Variants in EDA2R observed in about 807,000 individuals in gnomAD.
EDA2R encodes the protein ectodysplasin A2 receptor.
In EDA2R, 26 loss-of-function variants were observed where a neutral mutation model predicts 20.1. The ratio of observed to expected loss-of-function variants is 1.30; its 90% CI spans 0.95 to 1.80. The LOEUF is 1.80. Ranked by LOEUF, EDA2R falls within the 40% of genes most tolerant of loss-of-function variation. The pLI, the probability that EDA2R is intolerant of heterozygous loss-of-function variation, is 0.00. For missense variants in EDA2R, 277 were observed against 228.7 expected, an observed-to-expected ratio of 1.21 and a Z score of -1.36; for synonymous variants, 114 against 88.7, an observed-to-expected ratio of 1.29 and a Z score of -1.60.
chrX:66,626,422 A>T (rs28493760), intron 1 of EDA2R, among the ~76,000 whole-genome samples: 7,516 of 111,697 alleles, frequency 0.067, 628 homozygotes, highest in African/African-American at 0.23. Flanking sequence ...GAAATTCACG[A>T]CTCAAAGACA....
At chrX:66,602,864 C>T in intron 4 of EDA2R, 67 bp from the exon 5 acceptor site, 2 of 1,000,714 alleles carry the variant, frequency 2.0e-6, no homozygotes, top group East Asian at 6.9e-5. Context: ...GACCCTGGAC[C>T]TGGACTTCCT....
rs1253671791 is a variant in EDA2R at position 66,597,345 on chromosome X, G to A, written c.*759C>T. 2 of 112,144 alleles carry A rather than the reference G, an allele frequency of 1.8e-5. No homozygotes were observed. Among genetic ancestry groups the A allele is most frequent in the Non-Finnish European group, 3.8e-5 (2 of 53,223 alleles). 9.2% of individuals were successfully genotyped at this position (112,144 alleles called of 1,213,427 possible). A position where few individuals can be genotyped will look rare whatever the true frequency, so the allele number is the denominator to read the frequency against. On this transcript the variant is annotated 3_prime_UTR_variant, in exon 7 of 7. Coordinates refer to ENST00000374719, the MANE Select transcript of EDA2R (RefSeq NM_021783.5). ...TCAGATGTCCCTACATGGATTGAGG[G>A]CTGTCTTTGAGGGACTGCTGTGGGG...
intron 6 of EDA2R, 135 bp from the exon 7 acceptor site, chrX:66,598,228 G>A (rs1927808639): frequency 4.7e-6 from 1 of 213,042 alleles, no homozygotes; most frequent in Non-Finnish European, 9.0e-6. Flanking sequence ...CCTAGATAGG[G>A]ATATGACAAT....
At position 66,599,436 on chromosome X, in the gene EDA2R, C is replaced by T. The variant is rs759099203; in HGVS notation, c.*10+38G>A. On this transcript the variant is annotated intron_variant, in intron 6 of 6. Transcript: ENST00000374719. The stretch of plus-strand genomic sequence containing the variant: ...AGGTTAGTCCTTAATTTCTGTTTTG[C>T]TTTTTTTGTTTTTTTCTGATCCACC... 271 of 1,037,060 alleles carry T rather than the reference C, an allele frequency of 2.6e-4. No homozygotes were observed. The African/African-American group carries it at 4.9e-3, about 19-fold the overall frequency. 85.5% of individuals were successfully genotyped at this position (1,037,060 alleles called of 1,213,427 possible).
At chrX:66,618,733 C>G (rs1421052699) in intron 1 of EDA2R, among the ~76,000 whole-genome samples, 1 of 112,144 alleles carries the variant, frequency 8.9e-6, no homozygotes, top group Non-Finnish European at 1.9e-5. Context: ...GCATATGAAT[C>G]TAGCAACATA....
chrX:66,621,448 A>C (rs1392520686), intron 1 of EDA2R, among the ~76,000 whole-genome samples: 1 of 112,438 alleles, frequency 8.9e-6, no homozygotes, highest in East Asian at 2.8e-4. Flanking sequence ...AAACCTGTAA[A>C]CAAATGTTCC....
chrX:66,625,271 G>C (rs1932961926), intron 1 of EDA2R, among the ~76,000 whole-genome samples: 1 of 111,236 alleles, frequency 9.0e-6, no homozygotes, highest in Non-Finnish European at 1.9e-5. Flanking sequence ...ACCTGGGGCA[G>C]GTTCTCAAGC....
intron 2 of EDA2R, among the ~76,000 whole-genome samples, chrX:66,608,787 A>G (rs765310924): frequency 9.0e-6 from 1 of 111,547 alleles, no homozygotes; most frequent in Non-Finnish European, 1.9e-5. Flanking sequence ...TTCCACTTAC[A>G]TGAAATATCT....
intron 5 of EDA2R, among the ~76,000 whole-genome samples, chrX:66,601,624 A>G (rs1040642509): frequency 2.7e-5 from 3 of 111,470 alleles, no homozygotes; most frequent in African/African-American, 9.8e-5. Flanking sequence ...CACAGTATCC[A>G]GTGGGCTGAA....
chrX:66,601,627 G>C (rs924830595), intron 5 of EDA2R, among the ~76,000 whole-genome samples: 2 of 111,124 alleles, frequency 1.8e-5, no homozygotes, highest in African/African-American at 6.6e-5. Context: ...AGTATCCAGT[G>C]GGCTGAAAAG....
chrX:66,609,107 T>TGACTGGTATG (rs1930250800), intron 2 of EDA2R, among the ~76,000 whole-genome samples: 1 of 111,693 alleles, frequency 9.0e-6, no homozygotes, highest in Non-Finnish European at 1.9e-5. Context: ...TGAACTGTAT[T>TGACTGGTATG]TTAATAAGGC....
chrX:66,629,123 T>C, intron 1 of EDA2R, among the ~76,000 whole-genome samples: 1 of 111,912 alleles, frequency 8.9e-6, no homozygotes, highest in East Asian at 2.8e-4. Flanking sequence ...AGAAAAAGCA[T>C]TCAACAAAGT....
At position 66,596,461 on chromosome X, in the gene EDA2R, T is replaced by C. The variant is rs1009207424; in HGVS notation, c.*1643A>G. The C allele has an allele frequency of 1.8e-5, 2 of 111,743 alleles. No homozygotes were observed. The highest frequency in any genetic ancestry group is 6.5e-5 in the African/African-American group (2 of 30,739). The allele number at this position is 111,743 out of a possible 1,213,427, so 9.2% of individuals were successfully genotyped here. The stretch of plus-strand genomic sequence containing the variant: ...CTGGGTATGGCTTGGGCTGTCCACA[T>C]AGCATTCATGCCATGAGCAAGCACA... On this transcript the variant is annotated 3_prime_UTR_variant, in exon 7 of 7. Coordinates refer to ENST00000374719, the MANE Select transcript of EDA2R (RefSeq NM_021783.5).
At chrX:66,610,102 C>G (rs1569234394) in intron 2 of EDA2R, among the ~76,000 whole-genome samples, 1 of 111,132 alleles carries the variant, frequency 9.0e-6, no homozygotes, top group African/African-American at 3.3e-5. Flanking sequence ...AAATAATGAA[C>G]TAGTAAAAAG....
At chrX:66,613,619 G>A (rs750655478) in intron 2 of EDA2R, among the ~76,000 whole-genome samples, 2 of 111,659 alleles carry the variant, frequency 1.8e-5, no homozygotes, top group East Asian at 5.6e-4. Context: ...CAGGGACCCC[G>A]AACAGAGGGC....
intron 3 of EDA2R, 52 bp from the exon 4 acceptor site, chrX:66,604,558 T>C (rs376959451): frequency 1.5e-5 from 16 of 1,087,136 alleles, no homozygotes; most frequent in Non-Finnish European, 2.0e-5. Flanking sequence ...GCAATGCACT[T>C]GGACCAGTTC....
intron 1 of EDA2R, among the ~76,000 whole-genome samples, chrX:66,637,347 AT>A (rs1236451212): frequency 9.0e-6 from 1 of 111,123 alleles, no homozygotes; most frequent in African/African-American, 3.3e-5. Flanking sequence ...CCCCTAGTTT[AT>A]CCCCCTCTTG....
At chrX:66,603,768 G>C (rs1733149389) in intron 4 of EDA2R, among the ~76,000 whole-genome samples, 1 of 111,620 alleles carries the variant, frequency 9.0e-6, no homozygotes, top group African/African-American at 3.3e-5. Flanking sequence ...TATATCTGTG[G>C]AATCTTTATT....
At chrX:66,601,101 C>T (rs1311977192) in intron 5 of EDA2R, among the ~76,000 whole-genome samples, 3 of 112,047 alleles carry the variant, frequency 2.7e-5, no homozygotes, top group Non-Finnish European at 1.9e-5. Flanking sequence ...GTCTAGCCTT[C>T]CTAGCCCTTA....
Sources: gnomAD v4.1 joint callset for allele counts (sites outside exome capture counted in the v4.1 genomes callset) on GRCh38, gnomAD v4.1.1 for gene constraint, MANE v1.5 for transcripts, NCBI Gene and HGNC (gene_info 2026-07-23, HGNC 2026-07-21) for gene names.